Variants in SHC4 observed in about 807,000 individuals in gnomAD.
SHC4 encodes the protein SHC-transforming protein 4.
In SHC4, 41 loss-of-function variants were observed where a neutral mutation model predicts 69.4. That is an observed-to-expected ratio of 0.59 (90% CI 0.46 to 0.77). The LOEUF is 0.77. Among genes scored for constraint, SHC4 ranks in the 30% least tolerant of loss-of-function variants. The pLI is 0.00. For synonymous variants in SHC4, 318 were observed against 299.3 expected (o/e 1.06, Z -0.64); for missense variants, 777 against 783.8 (o/e 0.99, Z 0.10).
At chr15:48,915,749 G>A (rs1012850233) in intron 2 of SHC4, among the ~76,000 whole-genome samples, 7 of 152,156 alleles carry the variant, frequency 4.6e-5, no homozygotes, top group East Asian at 1.9e-4. Context: ...TTAATCAACC[G>A]TGGGCATTCT....
intron 2 of SHC4, among the ~76,000 whole-genome samples, chr15:48,897,979 C>T (rs1159181846): frequency 1.3e-5 from 2 of 152,180 alleles, no homozygotes; most frequent in African/African-American, 4.8e-5. Context: ...TTAAAGAAAT[C>T]AGTTAACAAA....
chr15:48,826,818 C>T (rs907830748), intron 11 of SHC4, among the ~76,000 whole-genome samples: 14 of 152,180 alleles, frequency 9.2e-5, no homozygotes, highest in Non-Finnish European at 2.1e-4. Context: ...AGTCCTACCT[C>T]CTATCTCTCT....
At chr15:48,832,096 C>A (rs1303976273) in intron 11 of SHC4, among the ~76,000 whole-genome samples, 1 of 152,186 alleles carries the variant, frequency 6.6e-6, no homozygotes, top group Non-Finnish European at 1.5e-5. Context: ...CATGGCAAAA[C>A]CCTGTCTCTA....
In SHC4 at chr15:48,941,823, G is replaced by A. The variant is rs190767470; in HGVS notation, c.586-16874C>T. 4.9e-3 allele frequency among the ~76,000 whole-genome samples: 740 copies of A among 152,202 alleles called. 4 individuals carry two copies. Among genetic ancestry groups the A allele is most frequent in the African/African-American group, 0.017 (710 of 41,530 alleles). ...TATACCGGGTAGTGGTGAAGTCTGG[G>A]CATTTGCTGTAACTATCACTCAAAT... On this transcript the variant is annotated intron_variant, in intron 1 of 11. Transcript: ENST00000332408.
intron 6 of SHC4, among the ~76,000 whole-genome samples, chr15:48,858,804 C>A (rs1250910523): frequency 6.6e-6 from 1 of 151,994 alleles, no homozygotes; most frequent in Admixed American, 6.6e-5. Flanking sequence ...TTGGGATAAC[C>A]AGAAGAATTG....
chr15:48,888,882 C>CAAAAAA (rs36036782), intron 3 of SHC4, among the ~76,000 whole-genome samples: 1 of 89,116 alleles, frequency 1.1e-5, no homozygotes, highest in Admixed American at 1.3e-4. Flanking sequence ...GTGAAACTGT[C>CAAAAAA]AAAAAAAAAA....
intron 10 of SHC4, among the ~76,000 whole-genome samples, chr15:48,843,121 G>A (rs1001798391): frequency 6.6e-6 from 1 of 152,238 alleles, no homozygotes; most frequent in Middle Eastern, 3.4e-3. Flanking sequence ...AGGAAGGAGA[G>A]GGAGATCAAG....
intron 8 of SHC4, among the ~76,000 whole-genome samples, chr15:48,854,638 C>CA (rs780201043): frequency 2.6e-5 from 4 of 152,006 alleles, no homozygotes; most frequent in Non-Finnish European, 5.9e-5. Flanking sequence ...TATGCAGCCA[C>CA]AAAAAAGAAT....
intron 1 of SHC4, among the ~76,000 whole-genome samples, chr15:48,961,684 T>C (rs2141044658): frequency 6.6e-6 from 1 of 152,358 alleles, no homozygotes; most frequent in Non-Finnish European, 1.5e-5. Flanking sequence ...AGTATTATTA[T>C]CTTAGTATTT....
chr15:48,849,674 C>T (rs931175003), intron 9 of SHC4, among the ~76,000 whole-genome samples: 2 of 152,140 alleles, frequency 1.3e-5, no homozygotes, highest in South Asian at 4.1e-4. Context: ...ACAAGGCATG[C>T]GTGGTACGTT....
At chr15:48,875,323 G>T (rs1235180498) in intron 4 of SHC4, among the ~76,000 whole-genome samples, 2 of 152,192 alleles carry the variant, frequency 1.3e-5, no homozygotes, top group African/African-American at 4.8e-5. Flanking sequence ...AGAAATTATT[G>T]AAGGCCACCA....
At chr15:48,884,514 T>C in intron 3 of SHC4, 147 bp from the exon 4 acceptor site, 1 of 684,118 alleles carries the variant, frequency 1.5e-6, no homozygotes. Context: ...AAGGGAATGG[T>C]TTTTATTAAA....
chr15:48,833,120 T>A (rs1898835028), intron 11 of SHC4, among the ~76,000 whole-genome samples: 1 of 152,192 alleles, frequency 6.6e-6, no homozygotes, highest in South Asian at 2.1e-4. Context: ...TGTTGGGATC[T>A]ATGCATTTGA....
chr15:48,919,224 C>T (rs937954411), intron 2 of SHC4, among the ~76,000 whole-genome samples: 11 of 151,084 alleles, frequency 7.3e-5, no homozygotes, highest in South Asian at 2.1e-4. Flanking sequence ...CCTGAGTTGA[C>T]GGTTGAATGT....
At chr15:48,838,437 T>C (rs1898936011) in intron 10 of SHC4, among the ~76,000 whole-genome samples, 1 of 152,166 alleles carries the variant, frequency 6.6e-6, no homozygotes, top group Non-Finnish European at 1.5e-5. Flanking sequence ...TTAGTATGGA[T>C]TACTGGGTGT....
chr15:48,940,396 C>G (rs1438008112), intron 1 of SHC4, among the ~76,000 whole-genome samples: 4 of 152,172 alleles, frequency 2.6e-5, no homozygotes, highest in African/African-American at 9.7e-5. Flanking sequence ...TCACACAAAT[C>G]TGACTCAGCT....
At chr15:48,908,710 C>T (rs1485801359) in intron 2 of SHC4, among the ~76,000 whole-genome samples, 1 of 152,152 alleles carries the variant, frequency 6.6e-6, no homozygotes, top group East Asian at 1.9e-4. Context: ...CTTAATCCAT[C>T]TTGAGTTGAT....
intron 4 of SHC4, chr15:48,877,198 T>C (rs756795663): frequency 6.4e-6 from 1 of 156,074 alleles, no homozygotes; most frequent in Non-Finnish European, 1.4e-5. Flanking sequence ...GATTACAGAA[T>C]AGACCGGACA....
intron 10 of SHC4, among the ~76,000 whole-genome samples, chr15:48,836,998 A>G (rs1374987160): frequency 1.3e-5 from 2 of 152,230 alleles, no homozygotes; most frequent in African/African-American, 4.8e-5. Context: ...GCTTTCAGGC[A>G]CAATGGATAA....
Sources: allele counts gnomAD v4.1 joint callset (sites outside exome capture counted in the v4.1 genomes callset), GRCh38; gene constraint gnomAD v4.1.1; transcripts MANE v1.5; gene names NCBI Gene and HGNC (gene_info 2026-07-23, HGNC 2026-07-21).